TBCD: variants seen among roughly 807,000 people sequenced by gnomAD.
TBCD encodes the protein tubulin folding cofactor D.
Under a neutral mutation model 169.3 loss-of-function variants are expected in TBCD, and 105 were observed. The ratio of observed to expected loss-of-function variants is 0.62; its 90% CI spans 0.53 to 0.73. The LOEUF is 0.73. Ranked by LOEUF, TBCD falls within the 30% of genes least tolerant of loss-of-function variation. The pLI, the probability that TBCD is intolerant of heterozygous loss-of-function variation, is 0.00. For missense variants in TBCD, 1,444 were observed against 1,600.1 expected, an observed-to-expected ratio of 0.90 and a Z score of 1.66; for synonymous variants, 700 against 643.9, an observed-to-expected ratio of 1.09 and a Z score of -1.32.
intron 1 of TBCD, among the ~76,000 whole-genome samples, chr17:82,754,966 C>T (rs544345638): frequency 2.0e-4 from 31 of 152,284 alleles, no homozygotes; most frequent in Non-Finnish European, 7.3e-5. Flanking sequence ...AGGGTGTGCC[C>T]GTGAGGCAGC....
chr17:82,840,966 T>TTTTTTTTG (rs2054462448), intron 13 of TBCD, among the ~76,000 whole-genome samples: 2 of 135,556 alleles, frequency 1.5e-5, no homozygotes, highest in African/African-American at 5.5e-5. Flanking sequence ...TTTTTTTTTT[T>TTTTTTTTG]TTTTTTTTTT....
At chr17:82,842,592 T>A (rs1017625172) in intron 13 of TBCD, among the ~76,000 whole-genome samples, 18 of 152,130 alleles carry the variant, frequency 1.2e-4, no homozygotes, top group African/African-American at 4.1e-4. Context: ...TCATTTAGTT[T>A]GACATGAGGC....
chr17:82,756,663 A>T (rs1490129578), intron 2 of TBCD, among the ~76,000 whole-genome samples: 1 of 151,990 alleles, frequency 6.6e-6, no homozygotes, highest in Non-Finnish European at 1.5e-5. Context: ...TATTTTTAGT[A>T]GAGACGGGGT....
intron 17 of TBCD, among the ~76,000 whole-genome samples, chr17:82,893,837 G>C (rs921531519): frequency 1.3e-5 from 2 of 152,202 alleles, no homozygotes; most frequent in African/African-American, 4.8e-5. Flanking sequence ...GCTTTACTAC[G>C]CTAGATAGGG....
chr17:82,871,918 T>C (rs962720708), intron 14 of TBCD, among the ~76,000 whole-genome samples: 102 of 144,950 alleles, frequency 7.0e-4, no homozygotes, highest in African/African-American at 2.9e-3. Context: ...AAGCAGCTCG[T>C]TGTGAGGCAC....
chr17:82,902,006 T>C (rs777149104), intron 18 of TBCD, among the ~76,000 whole-genome samples: 3 of 152,164 alleles, frequency 2.0e-5, no homozygotes, highest in Non-Finnish European at 4.4e-5. Flanking sequence ...CTGGTACATA[T>C]GCCCGTGGCG....
At chr17:82,894,926 G>A (rs2059380330) in intron 17 of TBCD, among the ~76,000 whole-genome samples, 1 of 152,128 alleles carries the variant, frequency 6.6e-6, no homozygotes, top group African/African-American at 2.4e-5. Context: ...GCAGTGAGCC[G>A]AGATCGTGCC....
intron 9 of TBCD, 151 bp from the exon 10 acceptor site, chr17:82,805,724 T>A (rs994131015): frequency 1.1e-5 from 10 of 898,548 alleles, no homozygotes; most frequent in Non-Finnish European, 1.6e-5. Flanking sequence ...TGGCACTGCC[T>A]CCAGGTTCTC....
At position 82,831,342 on chromosome 17, in the gene TBCD, G is replaced by T. The variant is rs749152059; in HGVS notation, c.1318+16408G>T. 1.3e-5 allele frequency: 21 copies of T among 1,613,966 alleles called. No homozygotes were observed. In the South Asian group the frequency reaches 1.9e-4, roughly 14 times the overall value. On this transcript the variant is annotated intron_variant, in intron 13 of 38. Transcript: ENST00000355528. This position sits in a 1 kb window ranked among gnomAD's most constrained non-coding sequence, Gnocchi z 4.6. ...GACTTTCGAACTCGACGTGTTTTCT[G>T]TTGGGGTCCGAAGGGTTTAACCTGG...
At chr17:82,778,810 C>T (rs138846677) in intron 6 of TBCD, among the ~76,000 whole-genome samples, 3,593 of 151,688 alleles carry the variant, frequency 0.024, 53 homozygotes, top group African/African-American at 0.026. Context: ...TACAGGTGTG[C>T]GCCAGCACCC....
intron 7 of TBCD, among the ~76,000 whole-genome samples, chr17:82,792,669 TG>T (rs2049830390): frequency 6.6e-6 from 1 of 152,252 alleles, no homozygotes; most frequent in African/African-American, 2.4e-5. Context: ...GGGCCTTGCA[TG>T]GCCCCCACCT....
At chr17:82,861,348 ACGTCAGCCGCTGGTTC>A (rs1567908450) in intron 13 of TBCD, among the ~76,000 whole-genome samples, 1 of 84,754 alleles carries the variant, frequency 1.2e-5, no homozygotes, top group Non-Finnish European at 2.7e-5. Context: ...CCGCTGGTTC[ACGTCAGCCGCTGGTTC>A]ACGTCAGCTG....
intron 13 of TBCD, among the ~76,000 whole-genome samples, chr17:82,861,346 TC>T (rs2056748463): frequency 1.4e-3 from 1 of 728 alleles, no homozygotes; most frequent in Non-Finnish European, 3.2e-3. Context: ...AGCCGCTGGT[TC>T]ACGTCAGCCG....
intron 6 of TBCD, among the ~76,000 whole-genome samples, chr17:82,779,883 C>T (rs746529159): frequency 2.0e-5 from 3 of 152,162 alleles, no homozygotes; most frequent in Admixed American, 1.3e-4. Context: ...GGCACTCCCC[C>T]ACGTGGACTC....
At chr17:82,773,712 TC>T (rs923549076) in intron 6 of TBCD, among the ~76,000 whole-genome samples, 5 of 151,528 alleles carry the variant, frequency 3.3e-5, no homozygotes, top group African/African-American at 1.2e-4. Context: ...TGCGAGAGTG[TC>T]TTTTCTTTTT....
chr17:82,919,644 C>G (rs550226452), intron 23 of TBCD, among the ~76,000 whole-genome samples: 2 of 152,124 alleles, frequency 1.3e-5, no homozygotes, highest in Non-Finnish European at 1.5e-5. Context: ...TACTTCACAT[C>G]GAGAGGACCG....
intron 3 of TBCD, 125 bp downstream of exon 3, chr17:82,764,187 C>A: frequency 2.6e-6 from 2 of 761,738 alleles, no homozygotes; most frequent in Non-Finnish European, 4.2e-6. Context: ...GGGTTTAATT[C>A]TGTCCCTTTT....
intron 13 of TBCD, among the ~76,000 whole-genome samples, chr17:82,841,341 AG>A (rs1275373902): frequency 4.0e-5 from 6 of 150,512 alleles, no homozygotes; most frequent in African/African-American, 1.5e-4. Flanking sequence ...CTTTTGAGAC[AG>A]GGTCTTGCCC....
intron 13 of TBCD, among the ~76,000 whole-genome samples, chr17:82,843,810 C>T (rs1234091831): frequency 1.3e-5 from 2 of 152,162 alleles, no homozygotes; most frequent in South Asian, 2.1e-4. Flanking sequence ...CAAATGTGTT[C>T]TCCCATTATG....
Sources: gnomAD v4.1 joint callset for allele counts (sites outside exome capture counted in the v4.1 genomes callset) on GRCh38, gnomAD v4.1.1 for gene constraint, Gnocchi (gnomAD v3.1) non-coding constraint, MANE v1.5 for transcripts, NCBI Gene and HGNC (gene_info 2026-07-23, HGNC 2026-07-21) for gene names.